The following NTN1 variants were observed in gnomAD, a reference collection of about 807,000 sequenced individuals.
NTN1 encodes the protein netrin 1.
NTN1 carries 11 observed loss-of-function variants against 54.2 expected under a neutral mutation model. The ratio of observed to expected loss-of-function variants is 0.20; its 90% CI spans 0.13 to 0.34. The LOEUF (loss-of-function observed/expected upper bound fraction) is 0.34. Among genes scored for constraint, NTN1 ranks in the 10% least tolerant of loss-of-function variants. NTN1 has a pLI of 1.00. For missense variants in NTN1, 740 were observed against 893.1 expected (o/e 0.83, Z 2.18); for synonymous variants, 371 against 382.0 (o/e 0.97, Z 0.33).
intron 2 of NTN1, among the ~76,000 whole-genome samples, chr17:9,120,583 G>A (rs1225052514): frequency 6.6e-6 from 1 of 152,150 alleles, no homozygotes; most frequent in Non-Finnish European, 1.5e-5. Context: ...CCTATGGTGG[G>A]GTGCACCTGC....
intron 5 of NTN1, among the ~76,000 whole-genome samples, chr17:9,206,003 C>T (rs1248109017): frequency 6.6e-6 from 1 of 152,196 alleles, no homozygotes; most frequent in Non-Finnish European, 1.5e-5. Flanking sequence ...CTGGGGCATG[C>T]CTCTGAGGCT....
chr17:9,223,636 C>T (rs1001246100), intron 6 of NTN1, among the ~76,000 whole-genome samples: 2 of 152,212 alleles, frequency 1.3e-5, no homozygotes, highest in African/African-American at 4.8e-5. Flanking sequence ...TTCAGTGTCC[C>T]CTGGGGACTG....
intron 2 of NTN1, among the ~76,000 whole-genome samples, chr17:9,121,022 A>C (rs2092230098): frequency 6.6e-6 from 1 of 152,206 alleles, no homozygotes; most frequent in South Asian, 2.1e-4. Context: ...CTCAGGGTGA[A>C]CATTATCCCA....
intron 2 of NTN1, among the ~76,000 whole-genome samples, chr17:9,141,778 G>C (rs1186490275): frequency 6.6e-6 from 1 of 152,094 alleles, no homozygotes; most frequent in Admixed American, 6.6e-5. Context: ...AAACACAGTT[G>C]GGGCTGGGCA....
chr17:9,009,310 G>A, the NTN1 span, among the ~76,000 whole-genome samples: 17 of 152,264 alleles, frequency 1.1e-4, no homozygotes, highest in South Asian at 2.5e-3. Flanking sequence ...GGAAACCAGC[G>A]CTCTCTGGGC....
At chr17:9,194,368 T>C (rs1904565820) in intron 5 of NTN1, among the ~76,000 whole-genome samples, 2 of 152,236 alleles carry the variant, frequency 1.3e-5, no homozygotes, top group South Asian at 4.1e-4. Flanking sequence ...GTGTGGTACA[T>C]GCTGTCACTG....
chr17:9,109,065 C>A (rs745625389), intron 2 of NTN1, among the ~76,000 whole-genome samples: 1 of 151,958 alleles, frequency 6.6e-6, no homozygotes, highest in Non-Finnish European at 1.5e-5. Context: ...TTAGTAGAGA[C>A]GGGGTTTCAC....
upstream of NTN1, chr17:9,021,500 T>G (rs1017913302): frequency 6.6e-6 from 1 of 151,614 alleles, no homozygotes; most frequent in Non-Finnish European, 1.5e-5. Flanking sequence ...CGCGCTCCCC[T>G]CCGCCCCTCA....
At chr17:9,019,480 T>C (rs1356286756), upstream of NTN1, among the ~76,000 whole-genome samples, 1 of 152,254 alleles carries the variant, frequency 6.6e-6, no homozygotes, top group Non-Finnish European at 1.5e-5. Flanking sequence ...GCATGTACTA[T>C]GTGCCTGGTT....
intron 2 of NTN1, among the ~76,000 whole-genome samples, chr17:9,091,254 A>G (rs2092109442): frequency 1.3e-5 from 2 of 152,100 alleles, no homozygotes; most frequent in South Asian, 4.2e-4. Context: ...CATCTAAACC[A>G]TTTTTCTCTA....
chr17:9,197,775 G>GTCTC lies in NTN1; in HGVS notation c.1411+14806_1411+14807insTCTC, dbSNP rs112301098. ...CTGAAGCTGGGCTAGGCATCTACCA[G>GTCTC]CCTCCCTCTTCCCCTGCCCTAGTCT... On this transcript the variant is annotated intron_variant, in intron 5 of 6. Coordinates refer to ENST00000173229, the MANE Select transcript of NTN1 (RefSeq NM_004822.3). 3.9e-3 allele frequency among the ~76,000 whole-genome samples: 598 copies of GTCTC among 151,714 alleles called. 5 individuals are homozygous for GTCTC. The highest frequency in any genetic ancestry group is 0.013 in the African/African-American group (556 of 41,328).
the NTN1 span, among the ~76,000 whole-genome samples, chr17:9,005,661 C>T: frequency 3.0e-4 from 46 of 152,298 alleles, no homozygotes; most frequent in African/African-American, 1.0e-3. Flanking sequence ...ATGTGCGTCA[C>T]ATATGATCTG....
At chr17:9,121,119 C>T (rs192629624) in intron 2 of NTN1, among the ~76,000 whole-genome samples, 6 of 152,154 alleles carry the variant, frequency 3.9e-5, no homozygotes, top group East Asian at 1.9e-4. Context: ...ATGGCCCTGT[C>T]GGGGGGAGAG....
intron 6 of NTN1, among the ~76,000 whole-genome samples, chr17:9,229,153 TGACTGTGTGA>T (rs1376907049): frequency 8.9e-5 from 11 of 123,646 alleles, no homozygotes; most frequent in African/African-American, 3.6e-4. Flanking sequence ...TGGCTGTTTG[TGACTGTGTGA>T]GACTGTGTGT....
chr17:9,167,120 A>G (rs1487972802), intron 3 of NTN1, among the ~76,000 whole-genome samples: 2 of 152,200 alleles, frequency 1.3e-5, no homozygotes, highest in Non-Finnish European at 2.9e-5. Context: ...CCAGCTATTC[A>G]GTGCGATTTC....
Position 9,242,651 on chromosome 17 carries a change from G to A in NTN1, c.*2683G>A, listed in dbSNP as rs2277672. ...GCACCCCGCAGGGCACAGGCTGTCC[G>A]CCCGGTGGTCTGGCCCTTGGGGAAT... is the stretch of plus-strand genomic sequence containing the variant. On this transcript the variant is annotated 3_prime_UTR_variant, in exon 7 of 7. Coordinates refer to ENST00000173229, the MANE Select transcript of NTN1 (RefSeq NM_004822.3). 0.83 allele frequency: 126,358 copies of A among 152,244 alleles called. 53,206 individuals are homozygous for A. Among genetic ancestry groups the A allele is most frequent in the Non-Finnish European group, 0.92 (62,315 of 68,036 alleles). 9.4% of individuals were successfully genotyped at this position (152,244 alleles called of 1,614,324 possible).
At chr17:9,036,733 C>T (rs927567799) in intron 2 of NTN1, among the ~76,000 whole-genome samples, 3 of 152,194 alleles carry the variant, frequency 2.0e-5, no homozygotes. Context: ...GTGGAATATA[C>T]TGCCTTCCTG....
upstream of NTN1, chr17:9,021,505 C>A (rs1429176591): frequency 2.0e-5 from 3 of 152,004 alleles, no homozygotes; most frequent in Non-Finnish European, 4.4e-5. Flanking sequence ...TCCCCTCCGC[C>A]CCTCACTCCC....
chr17:9,231,775 C>G (rs994399653), intron 6 of NTN1, among the ~76,000 whole-genome samples: 1 of 150,448 alleles, frequency 6.6e-6, no homozygotes, highest in Non-Finnish European at 1.5e-5. Flanking sequence ...ACCTTCCACA[C>G]CAAGCCTTCT....
Sources: gnomAD v4.1 joint callset for allele counts (sites outside exome capture counted in the v4.1 genomes callset) on GRCh38, gnomAD v4.1.1 for gene constraint, MANE v1.5 for transcripts, NCBI Gene and HGNC (gene_info 2026-07-23, HGNC 2026-07-21) for gene names.